LAMA1: variants seen among roughly 807,000 people sequenced by gnomAD.
The protein encoded by LAMA1 is laminin subunit alpha-1.
Under a neutral mutation model 348.7 loss-of-function variants are expected in LAMA1, and 219 were observed. That is an observed-to-expected ratio of 0.63 (90% CI 0.56 to 0.70). The LOEUF is 0.70. Among genes scored for constraint, LAMA1 ranks in the 30% least tolerant of loss-of-function variants. LAMA1 has a pLI of 0.00. For synonymous variants in LAMA1, 1,487 were observed against 1,491.0 expected, an observed-to-expected ratio of 1.00 and a Z score of 0.06; for missense variants, 3,744 against 3,888.0, an observed-to-expected ratio of 0.96 and a Z score of 0.99.
chr18:7,036,969 GA>G (rs1329271894), intron 12 of LAMA1, among the ~76,000 whole-genome samples: 1 of 152,162 alleles, frequency 6.6e-6, no homozygotes, highest in East Asian at 1.9e-4. Context: ...CATAAGTGGG[GA>G]GGGGGGAATG....
At chr18:6,977,101 A>G (rs556693869) in intron 44 of LAMA1, among the ~76,000 whole-genome samples, 13 of 152,320 alleles carry the variant, frequency 8.5e-5, no homozygotes, top group African/African-American at 1.7e-4. Context: ...GAAGTCCCCA[A>G]TCACATGACG....
At chr18:7,074,848 A>T (rs1353846980) in intron 3 of LAMA1, among the ~76,000 whole-genome samples, 1 of 105,638 alleles carries the variant, frequency 9.5e-6, no homozygotes, top group African/African-American at 6.0e-5. Flanking sequence ...TACATTACTA[A>T]AATAAACAGT....
chr18:7,062,664 A>G (rs556721894), intron 3 of LAMA1, among the ~76,000 whole-genome samples: 93 of 152,276 alleles, frequency 6.1e-4, no homozygotes, highest in African/African-American at 2.1e-3. Context: ...CCAAAACATG[A>G]GTGAGAAGGA....
Position 6,982,582 on chromosome 18 carries a change from T to C in LAMA1, c.5805A>G (p.Glu1935=), listed in dbSNP as rs1410548312. The C allele has an allele frequency of 6.2e-7, 1 of 1,614,064 alleles. No individual in the cohort carries two copies. The highest frequency in any genetic ancestry group is 2.2e-5 in the East Asian group (1 of 44,864). The change falls in exon 41 of 63, where the codon GAA becomes GAG. Residue 1935 remains glutamate, a synonymous_variant. Transcript: ENST00000389658. ...RTVTETSLLS[E]SLVSNGKAAV... ...CCGCTTTCCCGTTAGAAACAAGGGA[T>C]TCTGAGAGCTGGAAAACAGAACCAC...
In LAMA1 at chr18:7,040,234, T is replaced by G; in HGVS notation, c.1264A>C (p.Lys422Gln). 7 of 1,614,028 alleles carry G rather than the reference T, an allele frequency of 4.3e-6. No individual in the cohort carries two copies. Among genetic ancestry groups the G allele is most frequent in the Non-Finnish European group, 5.9e-6 (7 of 1,180,014 alleles). ...TTACATGGGCACTGACCTGGCTGCT[T>G]CCCTAGAAAGACAACAATGGCAATG... ...DDLHSDLHNG[K>Q]QPGQCPCKEG... Residue 422 changes from lysine (K) to glutamine (Q), a missense_variant and splice_region_variant, in exon 10 of 63, where the codon AAG becomes CAG. This residue lies in a region of LAMA1 where 1,529 missense variants were observed against 1,689.4 expected (regional missense o/e 0.91). Transcript: ENST00000389658.
At chr18:7,011,052 G>A (rs1001909213) in intron 25 of LAMA1, among the ~76,000 whole-genome samples, 2 of 152,148 alleles carry the variant, frequency 1.3e-5, no homozygotes, top group African/African-American at 4.8e-5. Context: ...TCTGTTGAAT[G>A]ACTGCTTTAG....
At chr18:7,046,830 A>T (rs1037588398) in intron 5 of LAMA1, among the ~76,000 whole-genome samples, 1 of 152,206 alleles carries the variant, frequency 6.6e-6, no homozygotes, top group African/African-American at 2.4e-5. Flanking sequence ...ATGTTTTTAC[A>T]TGTTAGTGTT....
At chr18:7,078,804 T>C (rs936118837) in intron 3 of LAMA1, among the ~76,000 whole-genome samples, 4 of 151,962 alleles carry the variant, frequency 2.6e-5, no homozygotes, top group South Asian at 2.1e-4. Context: ...CTGGCCAACA[T>C]AGTGAAATCC....
intron 7 of LAMA1, among the ~76,000 whole-genome samples, chr18:7,044,232 ACTGTGTTGGCTGGAGGG>A (rs899730207): frequency 6.6e-6 from 1 of 151,980 alleles, no homozygotes; most frequent in African/African-American, 2.4e-5. Flanking sequence ...CTGCGTAAGA[ACTGTGTTGGCTGGAGGG>A]ATATGTTAAC....
In LAMA1 at chr18:6,985,406, TG is replaced by T; in HGVS notation, c.5497-7del. The T allele has an allele frequency of 1.2e-6, 2 of 1,614,122 alleles. No homozygotes were observed. The highest frequency in any genetic ancestry group is 1.7e-6 in the Non-Finnish European group (2 of 1,179,966). ...TCCTGGTGATCCTCTAAGTGCTACA[TG>T]GAGAAATTAATATTGTAAATATATG... is the stretch of plus-strand genomic sequence containing the variant. On this transcript the variant is annotated splice_polypyrimidine_tract_variant and splice_region_variant and intron_variant, in intron 38 of 62. Coordinates refer to ENST00000389658, the MANE Select transcript of LAMA1 (RefSeq NM_005559.4).
chr18:7,058,092 G>A lies in LAMA1; in HGVS notation c.346-7156C>T, dbSNP rs529399134. 3.3e-5 allele frequency among the ~76,000 whole-genome samples: 5 copies of A among 151,960 alleles called. No homozygotes were observed. The East Asian group carries it at 5.8e-4, about 18-fold the overall frequency. On this transcript the variant is annotated intron_variant, in intron 3 of 62. Transcript: ENST00000389658. Reference sequence around the variant, plus strand: ...GCTAGGATTACAGGCATGAGCCTCCGCGCCTGGCCCAGCCCATAATTATTT... The same window carrying A: ...GCTAGGATTACAGGCATGAGCCTCCACGCCTGGCCCAGCCCATAATTATTT...
intron 16 of LAMA1, 38 bp from the exon 17 acceptor site, chr18:7,026,144 T>C (rs752709903): frequency 6.2e-7 from 1 of 1,602,014 alleles, no homozygotes; most frequent in South Asian, 1.1e-5. Context: ...TCAGGTTGTC[T>C]TAAAGGATTT....
Position 6,980,638 on chromosome 18 carries a change from C to A in LAMA1, c.5891-1G>T. ...AATTCACTCAGTTCCAATGCAATACCTATTTAAAGGGAGAAAAATGTTTCC... is the reference window on the plus strand; with the variant it reads ...AATTCACTCAGTTCCAATGCAATACATATTTAAAGGGAGAAAAATGTTTCC... On this transcript the variant is annotated splice_acceptor_variant, in intron 41 of 62. Coordinates refer to ENST00000389658, the MANE Select transcript of LAMA1 (RefSeq NM_005559.4). LOFTEE classifies it high-confidence loss of function. 4 of 1,571,770 alleles carry A rather than the reference C, an allele frequency of 2.5e-6. No homozygotes were observed. The highest frequency in any genetic ancestry group is 3.5e-6 in the Non-Finnish European group (4 of 1,142,290).
chr18:7,078,134 T>A (rs1028917042), intron 3 of LAMA1, among the ~76,000 whole-genome samples: 1 of 135,252 alleles, frequency 7.4e-6, no homozygotes, highest in African/African-American at 2.6e-5. Context: ...CTCTTTTCTC[T>A]TTTTATTTTT....
chr18:6,993,661 C>T lies in LAMA1; in HGVS notation c.4988G>A (p.Arg1663Lys). Residue 1663 changes from arginine to lysine, a missense_variant, in exon 35 of 63, where the codon AGG (arginine) becomes AAG (lysine). Coordinates refer to ENST00000389658, the MANE Select transcript of LAMA1 (RefSeq NM_005559.4). ...ESQDLAIAIE[R>K]LQMSITEIME... is the part of the protein sequence containing the mutation. Reference sequence around the variant, plus strand: ...ACTACCTGTGATGCTCATCTGCAGCCTCTCAATGGCTATGGCCAGGTCTTG... The same window carrying T: ...ACTACCTGTGATGCTCATCTGCAGCTTCTCAATGGCTATGGCCAGGTCTTG... 2 of 1,613,184 alleles carry T rather than the reference C, an allele frequency of 1.2e-6. No homozygotes were observed. Among genetic ancestry groups the T allele is most frequent in the South Asian group, 2.2e-5 (2 of 91,062 alleles).
intron 49 of LAMA1, 108 bp downstream of exon 49, chr18:6,966,039 A>G: frequency 8.3e-7 from 1 of 1,203,098 alleles, no homozygotes. Context: ...ATTGTATGGT[A>G]TACATATGTA....
chr18:7,079,862 G>T, intron 3 of LAMA1, 113 bp downstream of exon 3: 1 of 788,390 alleles, frequency 1.3e-6, no homozygotes, highest in Non-Finnish European at 2.2e-6. Context: ...GGTGGAAATA[G>T]TGAGATTAGA....
chr18:6,978,030 A>C, intron 43 of LAMA1, 149 bp from the exon 44 acceptor site: 1 of 1,252,686 alleles, frequency 8.0e-7, no homozygotes, highest in South Asian at 1.2e-5. Flanking sequence ...AAACTGCACA[A>C]GTAGCATGCA....
At chr18:6,989,441 T>C (rs778239991) in intron 36 of LAMA1, among the ~76,000 whole-genome samples, 10 of 152,066 alleles carry the variant, frequency 6.6e-5, no homozygotes, top group South Asian at 6.2e-4. Context: ...ATCTATACAA[T>C]TGCCATGCTT....
Sources: allele counts gnomAD v4.1 joint callset (sites outside exome capture counted in the v4.1 genomes callset), GRCh38; gene constraint gnomAD v4.1.1; regional missense constraint gnomAD v4.1.1; transcripts MANE v1.5; gene names NCBI Gene and HGNC (gene_info 2026-07-23, HGNC 2026-07-21).